The following KLF8 variants were observed in gnomAD, a reference collection of about 807,000 sequenced individuals.
KLF8 encodes the protein KLF transcription factor 8, also known as Krueppel-like factor 8.
In KLF8, 10 loss-of-function variants were observed where a neutral mutation model predicts 18.2. The observed-to-expected ratio is 0.55, with a 90% confidence interval of 0.34 to 0.93. The LOEUF (loss-of-function observed/expected upper bound fraction) is 0.93. Among genes scored for constraint, KLF8 ranks in the 40% least tolerant of loss-of-function variants. The pLI is 0.02. For missense variants in KLF8, 264 were observed against 277.9 expected (o/e 0.95, Z 0.36); for synonymous variants, 109 against 97.3 (o/e 1.12, Z -0.71).
At chrX:56,170,716 T>C in the KLF8 span, among the ~76,000 whole-genome samples, 2 of 110,133 alleles carry the variant, frequency 1.8e-5, no homozygotes, top group African/African-American at 3.3e-5. Context: ...AAAGGGCAAA[T>C]CAATATTGAT....
At chrX:56,069,681 C>T in the KLF8 span, among the ~76,000 whole-genome samples, 1 of 111,792 alleles carries the variant, frequency 8.9e-6, no homozygotes, top group African/African-American at 3.3e-5. Flanking sequence ...TCAACTCCAC[C>T]CACCCCCATC....
chrX:56,229,859 T>C (rs1045722525), upstream of KLF8, among the ~76,000 whole-genome samples: 1 of 112,007 alleles, frequency 8.9e-6, no homozygotes, highest in Non-Finnish European at 1.9e-5. Flanking sequence ...AGGTGCTCAA[T>C]ACATTTTATT....
At chrX:56,140,003 A>T in the KLF8 span, among the ~76,000 whole-genome samples, 1 of 112,295 alleles carries the variant, frequency 8.9e-6, no homozygotes, top group Non-Finnish European at 1.9e-5. Context: ...ACATATATGC[A>T]GCCAACAAAC....
the KLF8 span, among the ~76,000 whole-genome samples, chrX:55,918,448 C>T: frequency 8.9e-6 from 1 of 112,350 alleles, no homozygotes; most frequent in Non-Finnish European, 1.9e-5. Context: ...AAAGATATAT[C>T]TCCACACAAA....
chrX:56,157,575 C>T, the KLF8 span, among the ~76,000 whole-genome samples: 1 of 110,380 alleles, frequency 9.1e-6, no homozygotes, highest in Non-Finnish European at 1.9e-5. Context: ...TTTTAACGAT[C>T]GTCATTGTAA....
At chrX:55,998,799 T>C in the KLF8 span, among the ~76,000 whole-genome samples, 294 of 78,990 alleles carry the variant, frequency 3.7e-3, 2 homozygotes, top group African/African-American at 0.014. Context: ...GTTGCCTACT[T>C]GGTCTTTTAA....
chrX:55,944,422 G>T, the KLF8 span, among the ~76,000 whole-genome samples: 1 of 109,769 alleles, frequency 9.1e-6, no homozygotes, highest in East Asian at 2.8e-4. Context: ...GCTCCTCCTT[G>T]TACCTCTGGT....
Position 56,232,919 on chromosome X carries a change from T to G in KLF8, c.-416T>G. ...GAGAGCGGGCTTGGCCGGAACTGAA[T>G]TGGTAGAGGTAAAAGGGGAACGGAG... On this transcript the variant is annotated 5_prime_UTR_variant, in exon 1 of 6. Transcript: ENST00000468660. 6.6e-6 allele frequency: 1 copy of G among 151,064 alleles called. No individual in the cohort carries two copies. The highest frequency in any genetic ancestry group is 1.3e-5 in the Non-Finnish European group (1 of 77,012). 12.4% of individuals were successfully genotyped at this position (151,064 alleles called of 1,213,427 possible). A position where few individuals can be genotyped will look rare whatever the true frequency, so the allele number is the denominator to read the frequency against.
At chrX:56,203,508 C>T in the KLF8 span, among the ~76,000 whole-genome samples, 3 of 112,273 alleles carry the variant, frequency 2.7e-5, no homozygotes, top group African/African-American at 6.5e-5. Flanking sequence ...CCGAGGCCAA[C>T]GTCTTGGATA....
chrX:56,149,308 G>C, the KLF8 span, among the ~76,000 whole-genome samples: 1 of 111,947 alleles, frequency 8.9e-6, no homozygotes, highest in Admixed American at 9.6e-5. Context: ...TAATGTTATT[G>C]CATGAGATTC....
At chrX:55,996,558 C>T in the KLF8 span, among the ~76,000 whole-genome samples, 1 of 111,596 alleles carries the variant, frequency 9.0e-6, no homozygotes, top group Non-Finnish European at 1.9e-5. Flanking sequence ...TTATTTGATG[C>T]CCTTGAGGGT....
the KLF8 span, among the ~76,000 whole-genome samples, chrX:55,985,102 T>C: frequency 0.24 from 26,642 of 110,618 alleles, 2,589 homozygotes; most frequent in Middle Eastern, 0.44. Context: ...ATAGTTTCTT[T>C]TGCTGTGCAG....
At chrX:56,177,387 G>A in the KLF8 span, among the ~76,000 whole-genome samples, 2 of 111,050 alleles carry the variant, frequency 1.8e-5, no homozygotes, top group East Asian at 5.7e-4. Context: ...TGTTTGCCTG[G>A]GTATCAGCAG....
chrX:56,077,563 A>G, the KLF8 span, among the ~76,000 whole-genome samples: 1 of 112,108 alleles, frequency 8.9e-6, no homozygotes, highest in South Asian at 3.7e-4. Flanking sequence ...TATAGTTTGA[A>G]GTCAGGTAGC....
At chrX:56,145,401 T>A in the KLF8 span, among the ~76,000 whole-genome samples, 2 of 112,273 alleles carry the variant, frequency 1.8e-5, no homozygotes, top group Non-Finnish European at 3.8e-5. Context: ...GAAAATAGTT[T>A]GGAAGTCTCA....
the KLF8 span, among the ~76,000 whole-genome samples, chrX:56,014,246 G>A: frequency 8.9e-6 from 1 of 112,122 alleles, no homozygotes; most frequent in Non-Finnish European, 1.9e-5. Flanking sequence ...TCTGACAAAT[G>A]TCTAATATCC....
At chrX:56,236,149 TGTA>T (rs1204107788) in intron 1 of KLF8, among the ~76,000 whole-genome samples, 1 of 111,940 alleles carries the variant, frequency 8.9e-6, no homozygotes, top group Non-Finnish European at 1.9e-5. Context: ...GACATTTTGT[TGTA>T]ACCTCACACT....
At chrX:56,100,459 G>C in the KLF8 span, among the ~76,000 whole-genome samples, 2 of 111,688 alleles carry the variant, frequency 1.8e-5, no homozygotes, top group African/African-American at 6.5e-5. Context: ...ACATTATTAA[G>C]AAATACATTT....
At chrX:56,203,923 A>T in the KLF8 span, among the ~76,000 whole-genome samples, 1 of 110,899 alleles carries the variant, frequency 9.0e-6, no homozygotes, top group Non-Finnish European at 1.9e-5. Flanking sequence ...TTATGGTTCC[A>T]TATGCATTTT....
Sources: allele counts gnomAD v4.1 joint callset (sites outside exome capture counted in the v4.1 genomes callset), GRCh38; gene constraint gnomAD v4.1.1; transcripts MANE v1.5; gene names NCBI Gene and HGNC (gene_info 2026-07-23, HGNC 2026-07-21).